The following CPM variants were observed in gnomAD, a reference collection of about 807,000 sequenced individuals.
The protein encoded by CPM is carboxypeptidase M, also known as renal carboxypeptidase.
CPM carries 35 observed loss-of-function variants against 46.4 expected under a neutral mutation model. The ratio of observed to expected loss-of-function variants is 0.75; its 90% CI spans 0.58 to 1.00. The LOEUF (loss-of-function observed/expected upper bound fraction) is 1.00. Ranked by LOEUF, CPM falls within the 50% of genes least tolerant of loss-of-function variation. The probability of loss-of-function intolerance (pLI) is 0.00; values close to 1 mark genes in which losing one functional copy is unlikely to be tolerated. For missense variants in CPM, 422 were observed against 530.4 expected (o/e 0.80, Z 2.01); for synonymous variants, 195 against 195.3 (o/e 1.00, Z 0.01).
At chr12:68,917,957 G>A (rs938663638) in intron 2 of CPM, among the ~76,000 whole-genome samples, 13 of 152,168 alleles carry the variant, frequency 8.5e-5, no homozygotes, top group African/African-American at 1.9e-4. Flanking sequence ...AGCCTACTAC[G>A]ACTTCTCTAG....
At chr12:68,863,761 C>G (rs1885312538) in intron 7 of CPM, among the ~76,000 whole-genome samples, 1 of 152,320 alleles carries the variant, frequency 6.6e-6, no homozygotes, top group Non-Finnish European at 1.5e-5. Context: ...GACAAGGTGG[C>G]TCAGAGACTT....
At chr12:68,843,883 T>C (rs1193720770) in intron 5 of CPM, 1 of 214,994 alleles carries the variant, frequency 4.7e-6, no homozygotes, top group African/African-American at 2.3e-5. Flanking sequence ...CAATTTGGAG[T>C]TGATAATATT....
At chr12:68,884,655 G>A (rs1288360438) in intron 3 of CPM, among the ~76,000 whole-genome samples, 4 of 152,206 alleles carry the variant, frequency 2.6e-5, no homozygotes, top group African/African-American at 9.7e-5. Context: ...GTTTTACAGG[G>A]TAATACCCAC....
intron 2 of CPM, among the ~76,000 whole-genome samples, chr12:68,929,971 C>T (rs1317773059): frequency 6.6e-6 from 1 of 152,128 alleles, no homozygotes; most frequent in Non-Finnish European, 1.5e-5. Context: ...AAAAACTAAA[C>T]ATGTATTTAG....
upstream of CPM, among the ~76,000 whole-genome samples, chr12:68,935,243 A>ATTGTTTGTTTGT (rs67250545): frequency 4.5e-4 from 66 of 148,040 alleles, no homozygotes; most frequent in African/African-American, 3.7e-4. Flanking sequence ...AAGTTGTTTT[A>ATTGTTTGTTTGT]TTGTTTGTTT....
intron 1 of CPM, among the ~76,000 whole-genome samples, chr12:68,950,845 G>T (rs1237258058): frequency 6.6e-6 from 1 of 152,188 alleles, no homozygotes; most frequent in Non-Finnish European, 1.5e-5. Context: ...TGGAGGCCCA[G>T]CTCTTCCCCA....
At chr12:68,947,309 T>G (rs1331467913) in intron 1 of CPM, among the ~76,000 whole-genome samples, 1 of 152,288 alleles carries the variant, frequency 6.6e-6, no homozygotes, top group East Asian at 1.9e-4. Flanking sequence ...TTAGAAATAA[T>G]TTTGAGGCCG....
At position 68,944,130 on chromosome 12, in the gene CPM, T is replaced by TC. The variant is rs559988431; in HGVS notation, c.-3-11291dup. ...CTGGAAAGTCAAATTATAAATATACTCAGACAATAGCCAAACAAATTCTTT... is the reference window on the plus strand; with the variant it reads ...CTGGAAAGTCAAATTATAAATATACTCCAGACAATAGCCAAACAAATTCTTT... On this transcript the variant is annotated intron_variant, in intron 1 of 8. Coordinates refer to the CPM transcript ENST00000546373. 3.0e-3 allele frequency among the ~76,000 whole-genome samples: 462 copies of TC among 152,360 alleles called. 1 individual carries two copies. Among genetic ancestry groups the TC allele is most frequent in the African/African-American group, 0.011 (445 of 41,590 alleles).
At position 68,856,197 on chromosome 12, in the gene CPM, T is replaced by G. The variant is rs1196933553; in HGVS notation, c.*240A>C. 5 of 461,986 alleles carry G rather than the reference T, an allele frequency of 1.1e-5. 1 individual carries two copies. The highest frequency in any genetic ancestry group is 7.7e-5 in the African/African-American group (4 of 52,026). The allele number at this position is 461,986 out of a possible 1,614,324, so 28.6% of individuals were successfully genotyped here. A position where few individuals can be genotyped will look rare whatever the true frequency, so the allele number is the denominator to read the frequency against. ...AAGACTACTTCAAGATTAATTTGAG[T>G]GTAAATGAGCAGTACTTGTTAGGTA... On this transcript the variant is annotated 3_prime_UTR_variant, in exon 9 of 9. Coordinates refer to ENST00000551568, the MANE Select transcript of CPM (RefSeq NM_198320.5).
chr12:68,934,016 T>C (rs1888619278), upstream of CPM, among the ~76,000 whole-genome samples: 2 of 152,092 alleles, frequency 1.3e-5, no homozygotes, highest in Non-Finnish European at 2.9e-5. Context: ...GAACGAAGGC[T>C]TCACTCAAAC....
intron 2 of CPM, among the ~76,000 whole-genome samples, chr12:68,919,500 A>G (rs1887947727): frequency 6.6e-6 from 1 of 152,220 alleles, no homozygotes; most frequent in African/African-American, 2.4e-5. Flanking sequence ...AGCAAGAATT[A>G]TTTGACCAAA....
At chr12:68,878,235 C>A (rs1287279929) in intron 3 of CPM, among the ~76,000 whole-genome samples, 2 of 152,192 alleles carry the variant, frequency 1.3e-5, no homozygotes, top group African/African-American at 4.8e-5. Context: ...CATTCCTGGG[C>A]ATAGGCTAAA....
At chr12:68,865,994 C>G (rs1885426404) in intron 7 of CPM, among the ~76,000 whole-genome samples, 1 of 152,180 alleles carries the variant, frequency 6.6e-6, no homozygotes, top group Non-Finnish European at 1.5e-5. Flanking sequence ...TGAAAGCTAT[C>G]ACTCTCTGCC....
intron 3 of CPM, among the ~76,000 whole-genome samples, chr12:68,881,727 CT>C (rs11327074): frequency 0.76 from 104,924 of 137,430 alleles, 39,617 homozygotes; most frequent in African/African-American, 0.82. Context: ...ATTTTTTTTT[CT>C]TTTTTTTTTT....
chr12:68,948,528 G>C (rs78400544), intron 1 of CPM, among the ~76,000 whole-genome samples: 6 of 152,056 alleles, frequency 3.9e-5, no homozygotes, highest in South Asian at 2.1e-4. Flanking sequence ...GGGGGTTTTG[G>C]GGGGAGGGTA....
At chr12:68,895,548 T>TA (rs1886836898) in intron 2 of CPM, among the ~76,000 whole-genome samples, 1 of 152,234 alleles carries the variant, frequency 6.6e-6, no homozygotes, top group Non-Finnish European at 1.5e-5. Context: ...ACTGCTTCCA[T>TA]AACCAACCCA....
chr12:68,877,353 T>C (rs536606888), intron 3 of CPM, among the ~76,000 whole-genome samples: 3 of 152,352 alleles, frequency 2.0e-5, no homozygotes, highest in Admixed American at 1.3e-4. Flanking sequence ...AAATAATTGC[T>C]AATAAACTAC....
intron 1 of CPM, among the ~76,000 whole-genome samples, chr12:68,940,698 C>T (rs1265179116): frequency 6.6e-6 from 1 of 151,704 alleles, no homozygotes; most frequent in African/African-American, 2.4e-5. Flanking sequence ...GAGAAGGGCA[C>T]TGAGACTTTT....
chr12:68,889,413 A>C (rs1886562692), intron 2 of CPM, among the ~76,000 whole-genome samples: 1 of 152,248 alleles, frequency 6.6e-6, no homozygotes, highest in Admixed American at 6.5e-5. Context: ...TACGTACAGA[A>C]TTTATAACAT....
Sources: allele counts gnomAD v4.1 joint callset (sites outside exome capture counted in the v4.1 genomes callset), GRCh38; gene constraint gnomAD v4.1.1; transcripts MANE v1.5; gene names NCBI Gene and HGNC (gene_info 2026-07-23, HGNC 2026-07-21).